NFIB: variants seen among roughly 807,000 people sequenced by gnomAD.
NFIB encodes nuclear factor 1 B-type.
Under a neutral mutation model 61.5 loss-of-function variants are expected in NFIB, and 11 were observed. The observed-to-expected ratio is 0.18, with a 90% CI of 0.11 to 0.30. NFIB has a LOEUF of 0.30. Ranked by LOEUF, NFIB falls within the 10% of genes least tolerant of loss-of-function variation. NFIB has a pLI of 1.00. For missense variants in NFIB, 471 were observed against 608.9 expected (o/e 0.77, Z 2.38); for synonymous variants, 260 against 216.5 (o/e 1.20, Z -1.76).
At chr9:14,264,717 G>A (rs951159381) in intron 2 of NFIB, among the ~76,000 whole-genome samples, 11 of 151,808 alleles carry the variant, frequency 7.2e-5, no homozygotes, top group Admixed American at 4.6e-4. Context: ...AGAATGTAGA[G>A]GAGAAAAGGA....
At chr9:14,398,083 G>A (rs1415329109) in intron 1 of NFIB, among the ~76,000 whole-genome samples, 1 of 152,024 alleles carries the variant, frequency 6.6e-6, no homozygotes. Context: ...AAGACCAAAG[G>A]CTGCTTATTG....
chr9:14,210,610 G>A (rs1324979415), intron 2 of NFIB, among the ~76,000 whole-genome samples: 5 of 151,704 alleles, frequency 3.3e-5, no homozygotes, highest in Non-Finnish European at 7.4e-5. Flanking sequence ...AAATAGCATC[G>A]TTAGTCAATT....
chr9:14,515,998 G>T, the NFIB span, among the ~76,000 whole-genome samples: 2 of 152,224 alleles, frequency 1.3e-5, no homozygotes, highest in Admixed American at 1.3e-4. Flanking sequence ...GAGCGGCTCC[G>T]CTTGCTCATC....
chr9:14,190,825 C>A (rs537767810), intron 2 of NFIB, among the ~76,000 whole-genome samples: 1 of 152,252 alleles, frequency 6.6e-6, no homozygotes, highest in South Asian at 2.1e-4. Flanking sequence ...TACAAGCTCA[C>A]AGAGACATGA....
At chr9:14,195,633 T>C (rs1254146388) in intron 2 of NFIB, among the ~76,000 whole-genome samples, 2 of 152,236 alleles carry the variant, frequency 1.3e-5, no homozygotes, top group African/African-American at 2.4e-5. Flanking sequence ...AAATCTGAAT[T>C]TGGAAGTTTG....
the NFIB span, among the ~76,000 whole-genome samples, chr9:14,452,961 T>C: frequency 5.9e-5 from 9 of 152,172 alleles, no homozygotes; most frequent in African/African-American, 1.2e-4. Flanking sequence ...CTCAAAGGGA[T>C]TGAAAGTATT....
At chr9:14,453,218 A>C in the NFIB span, among the ~76,000 whole-genome samples, 6 of 152,352 alleles carry the variant, frequency 3.9e-5, no homozygotes, top group South Asian at 6.2e-4. Context: ...AAGGATAAAA[A>C]CAGACATGAT....
At chr9:14,495,155 C>T in the NFIB span, among the ~76,000 whole-genome samples, 1 of 152,268 alleles carries the variant, frequency 6.6e-6, no homozygotes, top group East Asian at 1.9e-4. Flanking sequence ...GTTTACATCC[C>T]TCTTCCTTTG....
chr9:14,130,918 A>G (rs995834240), intron 6 of NFIB, among the ~76,000 whole-genome samples: 26 of 152,342 alleles, frequency 1.7e-4, no homozygotes, highest in African/African-American at 5.5e-4. Context: ...AATCACTGAG[A>G]TTCTAGTAAG....
At chr9:14,325,746 G>A (rs2060744521) in intron 1 of NFIB, among the ~76,000 whole-genome samples, 3 of 151,920 alleles carry the variant, frequency 2.0e-5, no homozygotes, top group South Asian at 4.2e-4. Flanking sequence ...TTTAAAGTAT[G>A]TAATAAAGAT....
At chr9:14,373,641 AGTGTGTGTGTGTGTGTGTGT>A (rs56764067) in intron 1 of NFIB, among the ~76,000 whole-genome samples, 2 of 143,148 alleles carry the variant, frequency 1.4e-5, no homozygotes, top group Non-Finnish European at 1.5e-5. Context: ...TGTCCACATG[AGTGTGTGTGTGTGTGTGTGT>A]GTGTGTGTGT....
At chr9:14,285,831 G>A (rs2058672934) in intron 2 of NFIB, among the ~76,000 whole-genome samples, 1 of 152,198 alleles carries the variant, frequency 6.6e-6, no homozygotes, top group Admixed American at 6.5e-5. Flanking sequence ...TATCACTTAA[G>A]CATCAGGTCA....
intron 7 of NFIB, among the ~76,000 whole-genome samples, chr9:14,124,758 A>G (rs891640126): frequency 1.3e-5 from 2 of 152,216 alleles, no homozygotes; most frequent in Non-Finnish European, 2.9e-5. Context: ...TGGTTAAAGT[A>G]CAAATGTCAA....
chr9:14,198,486 A>G (rs778929749), intron 2 of NFIB, among the ~76,000 whole-genome samples: 1 of 152,198 alleles, frequency 6.6e-6, no homozygotes, highest in Non-Finnish European at 1.5e-5. Flanking sequence ...CAGAGCTCCA[A>G]AAAGACCAAT....
At chr9:14,294,228 G>A (rs1440064331) in intron 2 of NFIB, among the ~76,000 whole-genome samples, 1 of 152,088 alleles carries the variant, frequency 6.6e-6, no homozygotes, top group African/African-American at 2.4e-5. Context: ...TCCCTTATTT[G>A]GAGACTGTAA....
At chr9:14,293,392 C>T (rs1049139222) in intron 2 of NFIB, among the ~76,000 whole-genome samples, 12 of 152,200 alleles carry the variant, frequency 7.9e-5, no homozygotes, top group Admixed American at 5.2e-4. Flanking sequence ...AACACTTCAT[C>T]CTTCATGAAA....
chr9:14,461,105 G>A, the NFIB span, among the ~76,000 whole-genome samples: 1 of 152,080 alleles, frequency 6.6e-6, no homozygotes, highest in African/African-American at 2.4e-5. Flanking sequence ...CTTCTCCACA[G>A]TCCCATAGCA....
the NFIB span, among the ~76,000 whole-genome samples, chr9:14,484,973 C>T: frequency 6.6e-6 from 1 of 152,256 alleles, no homozygotes; most frequent in South Asian, 2.1e-4. Flanking sequence ...AGACAGCCAC[C>T]TTCTTGCTGT....
intron 2 of NFIB, among the ~76,000 whole-genome samples, chr9:14,245,132 T>C (rs2054771087): frequency 6.6e-6 from 1 of 152,172 alleles, no homozygotes; most frequent in South Asian, 2.1e-4. Flanking sequence ...CATCAACACT[T>C]GGGTCATGCC....
Sources: gnomAD v4.1 joint callset for allele counts (sites outside exome capture counted in the v4.1 genomes callset) on GRCh38, gnomAD v4.1.1 for gene constraint, MANE v1.5 for transcripts, NCBI Gene and HGNC (gene_info 2026-07-23, HGNC 2026-07-21) for gene names.